The following NHLRC2 variants were observed in gnomAD, a reference collection of about 807,000 sequenced individuals.
NHLRC2 encodes the protein NHL repeat-containing protein 2.
A neutral mutation model predicts 68.1 loss-of-function variants in NHLRC2; 33 were observed. The ratio of observed to expected loss-of-function variants is 0.48; its 90% CI spans 0.37 to 0.65. The LOEUF is 0.65. NHLRC2 is among the 30% of genes least tolerant of loss of function. The probability of loss-of-function intolerance (pLI) is 0.00; values close to 1 mark genes in which losing one functional copy is unlikely to be tolerated. For synonymous variants in NHLRC2, 311 were observed against 309.6 expected, an observed-to-expected ratio of 1.00 and a Z score of -0.05; for missense variants, 761 against 853.8, an observed-to-expected ratio of 0.89 and a Z score of 1.35.
intron 5 of NHLRC2, among the ~76,000 whole-genome samples, chr10:113,887,995 T>C (rs1846097470): frequency 6.6e-6 from 1 of 152,122 alleles, no homozygotes; most frequent in Non-Finnish European, 1.5e-5. Context: ...TTTGGGAGGC[T>C]AAGGTGAGAG....
At chr10:113,905,695 C>T (rs1465168585) in intron 10 of NHLRC2, among the ~76,000 whole-genome samples, 3 of 152,168 alleles carry the variant, frequency 2.0e-5, no homozygotes, top group Non-Finnish European at 4.4e-5. Flanking sequence ...CCATTTCCTT[C>T]CCAACTCCTC....
chr10:113,908,213 T>A, intron 10 of NHLRC2, 67 bp from the exon 11 acceptor site: 2 of 1,233,480 alleles, frequency 1.6e-6, no homozygotes, highest in Non-Finnish European at 2.3e-6. Context: ...TTATCTAGTC[T>A]TCATAAGATG....
At chr10:113,858,885 A>G in intron 2 of NHLRC2, 2 of 390,108 alleles carry the variant, frequency 5.1e-6, no homozygotes, top group Middle Eastern at 5.1e-4. Flanking sequence ...CTAAAGAACC[A>G]GCATTTAGTA....
At chr10:113,876,276 C>T (rs536402969) in intron 2 of NHLRC2, among the ~76,000 whole-genome samples, 8 of 151,954 alleles carry the variant, frequency 5.3e-5, no homozygotes, top group Non-Finnish European at 1.2e-4. Context: ...AAGTTTTAAT[C>T]CTGCAATAGC....
intron 2 of NHLRC2, among the ~76,000 whole-genome samples, chr10:113,859,629 T>TA (rs1845797096): frequency 6.6e-6 from 1 of 152,194 alleles, no homozygotes. Context: ...ATCCTGTTAT[T>TA]AAAAATTTAT....
chr10:113,894,186 A>ATGG (rs1001560198), intron 5 of NHLRC2, among the ~76,000 whole-genome samples: 21 of 152,292 alleles, frequency 1.4e-4, no homozygotes, highest in African/African-American at 4.8e-4. Flanking sequence ...AGCTAAAAGG[A>ATGG]TGGAGTCCTT....
At chr10:113,891,070 C>G (rs549377443) in intron 5 of NHLRC2, among the ~76,000 whole-genome samples, 1 of 152,156 alleles carries the variant, frequency 6.6e-6, no homozygotes, top group South Asian at 2.1e-4. Flanking sequence ...GTCCCTCCCT[C>G]GACTTGTGGG....
chr10:113,875,383 T>C (rs1283186759), intron 2 of NHLRC2, among the ~76,000 whole-genome samples: 1 of 152,134 alleles, frequency 6.6e-6, no homozygotes, highest in Non-Finnish European at 1.5e-5. Context: ...GTGTTCATAC[T>C]CAGAAATAAG....
chr10:113,896,587 A>T (rs1193477209), intron 5 of NHLRC2, among the ~76,000 whole-genome samples: 1 of 152,020 alleles, frequency 6.6e-6, no homozygotes, highest in African/African-American at 2.4e-5. Flanking sequence ...TAGTGGGTGC[A>T]GCGCACCAGC....
At chr10:113,874,118 AAATGTTTACAT>A (rs1564852444) in intron 2 of NHLRC2, among the ~76,000 whole-genome samples, 1 of 152,166 alleles carries the variant, frequency 6.6e-6, no homozygotes, top group African/African-American at 2.4e-5. Context: ...TGATATTTAT[AAATGTTTACAT>A]TTATCTTTTA....
chr10:113,892,397 C>T (rs920365922), intron 5 of NHLRC2, among the ~76,000 whole-genome samples: 1 of 152,082 alleles, frequency 6.6e-6, no homozygotes, highest in Non-Finnish European at 1.5e-5. Flanking sequence ...ATTAAGTGCA[C>T]TCTTTTTTGT....
At chr10:113,884,785 A>G (rs1359102860) in intron 5 of NHLRC2, among the ~76,000 whole-genome samples, 1 of 151,528 alleles carries the variant, frequency 6.6e-6, no homozygotes, top group Non-Finnish European at 1.5e-5. Context: ...GTCATTATAT[A>G]CTCTAGTTTG....
intron 4 of NHLRC2, among the ~76,000 whole-genome samples, chr10:113,879,922 T>A (rs570940473): frequency 9.2e-5 from 14 of 152,184 alleles, no homozygotes; most frequent in Non-Finnish European, 1.5e-5. Flanking sequence ...TTTTAACCCT[T>A]GTTTCAAGGC....
At chr10:113,883,400 T>C (rs1846053033) in intron 4 of NHLRC2, among the ~76,000 whole-genome samples, 1 of 151,958 alleles carries the variant, frequency 6.6e-6, no homozygotes, top group Non-Finnish European at 1.5e-5. Context: ...TAATATTTGC[T>C]GTAGCTTTGA....
chr10:113,869,888 A>T (rs1284313429), intron 2 of NHLRC2, among the ~76,000 whole-genome samples: 1 of 152,130 alleles, frequency 6.6e-6, no homozygotes. Context: ...GTCTTCTGTG[A>T]TCTTTTGGTA....
chr10:113,899,929 A>G (rs1213549802), intron 6 of NHLRC2, among the ~76,000 whole-genome samples: 1 of 152,112 alleles, frequency 6.6e-6, no homozygotes, highest in African/African-American at 2.4e-5. Flanking sequence ...AAAAAAAAAA[A>G]ATTGAAATTG....
At chr10:113,901,144 A>G (rs1466872105) in intron 6 of NHLRC2, among the ~76,000 whole-genome samples, 1 of 152,180 alleles carries the variant, frequency 6.6e-6, no homozygotes, top group Non-Finnish European at 1.5e-5. Context: ...TTTTCATATA[A>G]TAGTAATGTC....
chr10:113,914,784 AT>A lies in NHLRC2; in HGVS notation c.*6252del. On this transcript the variant is annotated 3_prime_UTR_variant, in exon 11 of 11. Transcript: ENST00000369301. ...AAGTATTAGCAATAATCATGTCACT[AT>A]TTTGTCCTGAATAATTAAGAGTTTG... is the stretch of plus-strand genomic sequence containing the variant. The A allele has an allele frequency of 3.0e-6, 1 of 336,978 alleles. No homozygotes were observed. Among genetic ancestry groups the A allele is most frequent in the African/African-American group, 2.1e-5 (1 of 46,628 alleles). 20.9% of individuals were successfully genotyped at this position (336,978 alleles called of 1,614,324 possible).
rs1846333449 is a variant in NHLRC2 at position 113,911,919 on chromosome 10, C to T, written c.*3383C>T. 1 of 151,002 alleles carries T rather than the reference C, an allele frequency of 6.6e-6. No individual in the cohort carries two copies. The highest frequency in any genetic ancestry group is 1.5e-5 in the Non-Finnish European group (1 of 67,732). 9.4% of individuals were successfully genotyped at this position (151,002 alleles called of 1,614,324 possible). On this transcript the variant is annotated 3_prime_UTR_variant, in exon 11 of 11. Coordinates refer to ENST00000369301, the MANE Select transcript of NHLRC2 (RefSeq NM_198514.4). ...GTGAGCAATCTGTTATTTTTAAAATCACGGTGGGGGGAAACCCATAAAGTT... is the reference window on the plus strand; with the variant it reads ...GTGAGCAATCTGTTATTTTTAAAATTACGGTGGGGGGAAACCCATAAAGTT...
Sources: gnomAD v4.1 joint callset for allele counts (sites outside exome capture counted in the v4.1 genomes callset) on GRCh38, gnomAD v4.1.1 for gene constraint, MANE v1.5 for transcripts, NCBI Gene and HGNC (gene_info 2026-07-23, HGNC 2026-07-21) for gene names.